DST: variants seen among roughly 807,000 people sequenced by gnomAD.
DST encodes dystonin, also known as bullous pemphigoid antigen.
Under a neutral mutation model 875.2 loss-of-function variants are expected in DST, and 253 were observed. The ratio of observed to expected loss-of-function variants is 0.29; its 90% CI spans 0.26 to 0.32. The LOEUF is 0.32. Among genes scored for constraint, DST ranks in the 10% least tolerant of loss-of-function variants. The pLI, the probability that DST is intolerant of heterozygous loss-of-function variation, is 1.00. For synonymous variants in DST, 3,124 were observed against 3,197.1 expected (o/e 0.98, Z 0.77); for missense variants, 8,287 against 9,111.6 (o/e 0.91, Z 3.68).
intron 5 of DST, among the ~76,000 whole-genome samples, chr6:56,712,836 C>G (rs2099380410): frequency 6.6e-6 from 1 of 152,140 alleles, no homozygotes; most frequent in Admixed American, 6.5e-5. Flanking sequence ...AAAATTCACA[C>G]TAGTTCAAAA....
chr6:56,904,802 T>C (rs1795643962), intron 2 of DST, among the ~76,000 whole-genome samples: 1 of 152,208 alleles, frequency 6.6e-6, no homozygotes, highest in Non-Finnish European at 1.5e-5. Flanking sequence ...GTTACTCTTT[T>C]TCTTTTGAGA....
intron 75 of DST, among the ~76,000 whole-genome samples, chr6:56,507,046 C>A (rs931948220): frequency 1.3e-5 from 2 of 151,660 alleles, no homozygotes; most frequent in Non-Finnish European, 2.9e-5. Flanking sequence ...TAACAAATAC[C>A]AAAACAAATT....
intron 4 of DST, chr6:56,843,679 C>T: frequency 1.0e-6 from 1 of 981,998 alleles, no homozygotes; most frequent in African/African-American, 1.8e-5. Context: ...CGCAGACACT[C>T]GCCCGCGCCG....
At position 56,509,796 on chromosome 6, in the gene DST, A is replaced by G; in HGVS notation, c.18858T>C (p.Ser6286=). 6.2e-7 allele frequency: 1 copy of G among 1,613,656 alleles called. No individual in the cohort carries two copies. The highest frequency in any genetic ancestry group is 8.5e-7 in the Non-Finnish European group (1 of 1,179,704). ...GTTCCTTGATCTTCTCAACCTCTGC[A>G]GAGATAGAGGGTGGCTGCCTCAGAC... ...VERLRQPPSI[S]AEVEKIKEQI... The change falls in exon 74 of 104, where the codon TCT becomes TCC. Residue 6286 remains serine, a synonymous_variant. Transcript: ENST00000680361.
chr6:56,857,171 C>T (rs539554006), intron 3 of DST, among the ~76,000 whole-genome samples: 31 of 152,054 alleles, frequency 2.0e-4, no homozygotes, highest in East Asian at 7.7e-4. Context: ...GCTACCACAC[C>T]GGGCTAATTT....
At chr6:56,618,489 T>C in intron 36 of DST, 2 of 1,614,180 alleles carry the variant, frequency 1.2e-6, no homozygotes, top group Non-Finnish European at 1.7e-6. Context: ...TGTTGGTCCA[T>C]TTTTTGCTTC....
At chr6:56,745,924 G>C (rs992948686) in intron 4 of DST, among the ~76,000 whole-genome samples, 1 of 152,194 alleles carries the variant, frequency 6.6e-6, no homozygotes, top group African/African-American at 2.4e-5. Flanking sequence ...TGAATGCAGA[G>C]AAATAGGTAG....
chr6:56,673,712 A>G (rs896454892), intron 9 of DST, among the ~76,000 whole-genome samples: 2 of 152,262 alleles, frequency 1.3e-5, no homozygotes, highest in African/African-American at 4.8e-5. Flanking sequence ...TTAAAAAGCG[A>G]TAATTTTAAA....
At chr6:56,597,389 T>G (rs1230569450) in intron 47 of DST, among the ~76,000 whole-genome samples, 1 of 152,196 alleles carries the variant, frequency 6.6e-6, no homozygotes, top group Non-Finnish European at 1.5e-5. Context: ...TTTCCTCATC[T>G]GTAAGATGAA....
intron 7 of DST, among the ~76,000 whole-genome samples, chr6:56,702,958 C>A (rs2099316474): frequency 6.6e-6 from 1 of 152,022 alleles, no homozygotes; most frequent in Non-Finnish European, 1.5e-5. Flanking sequence ...ATAAATTTAC[C>A]CACTGGATCC....
At chr6:56,656,181 G>A (rs2099007458) in intron 10 of DST, among the ~76,000 whole-genome samples, 1 of 152,198 alleles carries the variant, frequency 6.6e-6, no homozygotes, top group South Asian at 2.1e-4. Flanking sequence ...ATGGACCAGG[G>A]TACAATGTCA....
At chr6:56,873,423 TGAGGCATTTC>T (rs1346600339) in intron 3 of DST, among the ~76,000 whole-genome samples, 1 of 152,216 alleles carries the variant, frequency 6.6e-6, no homozygotes, top group African/African-American at 2.4e-5. Flanking sequence ...ACCAATGTAC[TGAGGCATTTC>T]AATAGCAAGA....
At chr6:56,598,325 G>C in intron 46 of DST, 151 bp downstream of exon 46, 1 of 536,092 alleles carries the variant, frequency 1.9e-6, no homozygotes, top group South Asian at 5.6e-5. Flanking sequence ...ACCTTTTGTA[G>C]TACTTGGTCA....
chr6:56,461,174 T>C (rs1243934765), intron 102 of DST: 1 of 152,132 alleles, frequency 6.6e-6, no homozygotes, highest in Non-Finnish European at 1.5e-5. Flanking sequence ...AATGTTATAA[T>C]CATCTGATAC....
intron 79 of DST, 118 bp downstream of exon 79, chr6:56,501,402 G>C (rs1236170113): frequency 6.2e-6 from 7 of 1,127,238 alleles, no homozygotes; most frequent in Non-Finnish European, 8.4e-6. Context: ...CGCTCCTCAT[G>C]GTTAAAATAG....
At chr6:56,779,969 T>C (rs1337735498) in intron 4 of DST, among the ~76,000 whole-genome samples, 1 of 145,914 alleles carries the variant, frequency 6.9e-6, no homozygotes, top group South Asian at 2.2e-4. Flanking sequence ...AGTGAGAACA[T>C]GGGGTGTTTG....
intron 4 of DST, among the ~76,000 whole-genome samples, chr6:56,814,035 T>C (rs1177271008): frequency 6.6e-6 from 1 of 152,202 alleles, no homozygotes. Context: ...ACTAAGTCTA[T>C]ACATGCTTTT....
At chr6:56,517,473 T>C (rs758379686) in intron 70 of DST, 28 bp downstream of exon 70, 1 of 1,607,350 alleles carries the variant, frequency 6.2e-7, no homozygotes, top group Non-Finnish European at 8.5e-7. Flanking sequence ...AAATAATTCA[T>C]ATGGCAATTG....
chr6:56,507,326 A>G (rs1275252886), intron 75 of DST, among the ~76,000 whole-genome samples: 2 of 152,186 alleles, frequency 1.3e-5, no homozygotes. Context: ...ACATTCATTC[A>G]TTCAACAAAC....
Sources: allele counts gnomAD v4.1 joint callset (sites outside exome capture counted in the v4.1 genomes callset), GRCh38; gene constraint gnomAD v4.1.1; transcripts MANE v1.5; gene names NCBI Gene and HGNC (gene_info 2026-07-23, HGNC 2026-07-21).